Variants in B4GALT1 observed in about 807,000 individuals in gnomAD.
The protein encoded by B4GALT1 is N-acetyllactosamine synthase.
A neutral mutation model predicts 34.9 loss-of-function variants in B4GALT1; 16 were observed. The ratio of observed to expected loss-of-function variants is 0.46; its 90% CI spans 0.31 to 0.70. B4GALT1 has a LOEUF of 0.70. B4GALT1 is among the 30% of genes least tolerant of loss of function. The probability of loss-of-function intolerance (pLI) is 0.05; values close to 1 mark genes in which losing one functional copy is unlikely to be tolerated. For missense variants in B4GALT1, 445 were observed against 530.5 expected (o/e 0.84, Z 1.58); for synonymous variants, 221 against 218.1 (o/e 1.01, Z -0.12).
chr9:33,113,716 G>A, intron 5 of B4GALT1, 58 bp downstream of exon 5: 2 of 1,609,594 alleles, frequency 1.2e-6, no homozygotes, highest in Non-Finnish European at 1.7e-6. Flanking sequence ...CAGAGCCTCG[G>A]ACCTGCAGCC....
chr9:33,136,139 C>T (rs1472451275), intron 1 of B4GALT1, among the ~76,000 whole-genome samples: 1 of 151,972 alleles, frequency 6.6e-6, no homozygotes, highest in Non-Finnish European at 1.5e-5. Flanking sequence ...TGTTTAGTAA[C>T]AGAGGGGATA....
chr9:33,167,381 GC>G (rs1564056528), upstream of B4GALT1: 8 of 477,656 alleles, frequency 1.7e-5, 1 homozygote, highest in South Asian at 7.3e-4. Context: ...GAGGGGCGGG[GC>G]CCCGGCGAAG....
intron 1 of B4GALT1, among the ~76,000 whole-genome samples, chr9:33,156,378 C>A (rs1187266517): frequency 3.9e-5 from 6 of 152,186 alleles, no homozygotes; most frequent in Non-Finnish European, 8.8e-5. Context: ...AGGTGATCCA[C>A]CCACCTCGGC....
At chr9:33,134,013 G>C (rs1252560271) in intron 2 of B4GALT1, among the ~76,000 whole-genome samples, 2 of 152,178 alleles carry the variant, frequency 1.3e-5, no homozygotes, top group African/African-American at 4.8e-5. Flanking sequence ...CAAAGCATTT[G>C]GCAGCCACCA....
At chr9:33,156,144 G>A (rs918601055) in intron 1 of B4GALT1, among the ~76,000 whole-genome samples, 1 of 151,564 alleles carries the variant, frequency 6.6e-6, no homozygotes, top group Non-Finnish European at 1.5e-5. Context: ...CGGGGGGCGG[G>A]GGAGGTGGAG....
At chr9:33,151,573 T>TA (rs1244362309) in intron 1 of B4GALT1, among the ~76,000 whole-genome samples, 1 of 152,246 alleles carries the variant, frequency 6.6e-6, no homozygotes, top group Non-Finnish European at 1.5e-5. Context: ...TGGGGATAAT[T>TA]ATGCCTTCCT....
upstream of B4GALT1, among the ~76,000 whole-genome samples, chr9:33,167,735 G>T (rs549327053): frequency 6.6e-6 from 1 of 152,238 alleles, no homozygotes; most frequent in South Asian, 2.1e-4. Flanking sequence ...CAGCTGGCGG[G>T]TGGTTATCTG....
At position 33,113,396 on chromosome 9, in the gene B4GALT1, G is replaced by T; in HGVS notation, c.*58C>A. The T allele has an allele frequency of 6.2e-7, 1 of 1,613,056 alleles. No homozygotes were observed. On this transcript the variant is annotated 3_prime_UTR_variant, in exon 6 of 6. Transcript: ENST00000379731. ...GAGGGACCAGCCCAGCAGATTGGCA[G>T]AGACACACAGCAGAGGTCCCTGGCT...
At chr9:33,133,733 AC>A (rs1260966895) in intron 2 of B4GALT1, among the ~76,000 whole-genome samples, 1 of 152,016 alleles carries the variant, frequency 6.6e-6, no homozygotes, top group African/African-American at 2.4e-5. Context: ...TTTGCCCACC[AC>A]CTGCTCTCCT....
At chr9:33,143,119 T>G (rs1840377501) in intron 1 of B4GALT1, among the ~76,000 whole-genome samples, 1 of 152,120 alleles carries the variant, frequency 6.6e-6, no homozygotes, top group African/African-American at 2.4e-5. Context: ...CACTCTAGCC[T>G]GGGCAACAAA....
intron 1 of B4GALT1, among the ~76,000 whole-genome samples, chr9:33,142,884 C>T (rs1840373734): frequency 6.6e-6 from 1 of 152,154 alleles, no homozygotes; most frequent in South Asian, 2.1e-4. Flanking sequence ...GTGGCTCACA[C>T]CTGTAATTCC....
intron 1 of B4GALT1, among the ~76,000 whole-genome samples, chr9:33,144,620 A>T (rs992919705): frequency 6.6e-6 from 1 of 152,196 alleles, no homozygotes; most frequent in Admixed American, 6.5e-5. Flanking sequence ...AAACTTCAGG[A>T]AACAGGTAAA....
At chr9:33,121,722 C>T (rs1398101547) in intron 2 of B4GALT1, among the ~76,000 whole-genome samples, 1 of 151,946 alleles carries the variant, frequency 6.6e-6, no homozygotes, top group Non-Finnish European at 1.5e-5. Context: ...TTTTTATTCA[C>T]CCAGTTCCTT....
At chr9:33,105,072 G>C (rs1362387566) in intron 2 of B4GALT1, among the ~76,000 whole-genome samples, 1 of 151,866 alleles carries the variant, frequency 6.6e-6, no homozygotes, top group Non-Finnish European at 1.5e-5. Context: ...CGCCCACCTT[G>C]GCCTCCCAAA....
At chr9:33,165,434 A>G (rs912185588) in intron 1 of B4GALT1, among the ~76,000 whole-genome samples, 3 of 152,214 alleles carry the variant, frequency 2.0e-5, no homozygotes, top group African/African-American at 7.2e-5. Context: ...ATTTTATGGG[A>G]CTAGTCTGCT....
downstream of B4GALT1, among the ~76,000 whole-genome samples, chr9:33,110,486 T>C (rs1045359611): frequency 6.6e-6 from 1 of 152,152 alleles, no homozygotes; most frequent in African/African-American, 2.4e-5. Flanking sequence ...ATTATTCCCA[T>C]TTTACAGATA....
At chr9:33,169,968 AT>A (rs74178857), upstream of B4GALT1, among the ~76,000 whole-genome samples, 130 of 120,490 alleles carry the variant, frequency 1.1e-3, no homozygotes, top group South Asian at 3.8e-3. Context: ...CAGCCCCTAG[AT>A]TTTTTTTTTT....
In B4GALT1 at chr9:33,112,959, AG is replaced by A. The variant is rs967349862; in HGVS notation, c.*494del. 54 of 241,934 alleles carry A rather than the reference AG, an allele frequency of 2.2e-4. No individual in the cohort carries two copies. Among genetic ancestry groups the A allele is most frequent in the African/African-American group, 1.2e-3 (51 of 43,858 alleles). The allele number at this position is 241,934 out of a possible 1,614,324, so 15.0% of individuals were successfully genotyped here. A position where few individuals can be genotyped will look rare whatever the true frequency, so the allele number is the denominator to read the frequency against. ...GCAGTGGTTGCATACCACTGAAAGA[AG>A]GGGGTGGGGGGAGGACGTAACATTA... On this transcript the variant is annotated 3_prime_UTR_variant, in exon 6 of 6. Transcript: ENST00000379731.
At chr9:33,115,880 T>A in intron 4 of B4GALT1, 111 bp downstream of exon 4, 2 of 1,390,222 alleles carry the variant, frequency 1.4e-6, no homozygotes, top group Non-Finnish European at 2.0e-6. Context: ...GTGGGCTGAC[T>A]AGGGGTGCAT....
Sources: allele counts gnomAD v4.1 joint callset (sites outside exome capture counted in the v4.1 genomes callset), GRCh38; gene constraint gnomAD v4.1.1; transcripts MANE v1.5; gene names NCBI Gene and HGNC (gene_info 2026-07-23, HGNC 2026-07-21).